FILIP1L: variants seen among roughly 807,000 people sequenced by gnomAD.
FILIP1L encodes filamin A-interacting protein 1-like.
FILIP1L carries 55 observed loss-of-function variants against 96.6 expected under a neutral mutation model. The ratio of observed to expected loss-of-function variants is 0.57; its 90% confidence interval spans 0.46 to 0.71. The LOEUF (loss-of-function observed/expected upper bound fraction) is 0.71, where lower values mean the gene tolerates loss of function less well. FILIP1L is among the 30% of genes least tolerant of loss of function. The pLI is 0.00. For synonymous variants in FILIP1L, 467 were observed against 473.9 expected, an observed-to-expected ratio of 0.99 and a Z score of 0.19; for missense variants, 1,304 against 1,321.2, an observed-to-expected ratio of 0.99 and a Z score of 0.20.
At chr3:99,957,689 C>CTTTTTTTTTTTTTTTTTTT (rs1708363173) in intron 1 of FILIP1L, among the ~76,000 whole-genome samples, 1 of 7,964 alleles carries the variant, frequency 1.3e-4, no homozygotes, top group Non-Finnish European at 3.0e-4. Context: ...TCTTTTCTTT[C>CTTTTTTTTTTTTTTTTTTT]TTTCTTTTTT....
At chr3:99,984,054 G>GTGTGTGTGTGTGTGTGTGTT (rs1256455306) in intron 1 of FILIP1L, among the ~76,000 whole-genome samples, 1 of 151,782 alleles carries the variant, frequency 6.6e-6, no homozygotes, top group Non-Finnish European at 1.5e-5. Flanking sequence ...GTATATGTAT[G>GTGTGTGTGTGTGTGTGTGTT]TGTGTTTGTG....
chr3:99,956,732 TTTC>T (rs1252202914), intron 1 of FILIP1L, among the ~76,000 whole-genome samples: 1 of 152,216 alleles, frequency 6.6e-6, no homozygotes, highest in Non-Finnish European at 1.5e-5. Flanking sequence ...CTGTAGTTTC[TTTC>T]TCACTATTGG....
chr3:99,988,527 A>AG (rs61144932), intron 1 of FILIP1L, among the ~76,000 whole-genome samples: 54,954 of 129,146 alleles, frequency 0.43, 10,737 homozygotes, highest in East Asian at 0.63. Context: ...AAAAAAAAAA[A>AG]AAAGAAAGAA....
chr3:99,872,609 TA>T (rs912618579), intron 4 of FILIP1L, among the ~76,000 whole-genome samples: 13 of 151,854 alleles, frequency 8.6e-5, no homozygotes, highest in Admixed American at 6.6e-5. Context: ...CAAGCTTGTT[TA>T]AAAAAAATTC....
chr3:100,046,325 G>C (rs912235173), intron 1 of FILIP1L, among the ~76,000 whole-genome samples: 1 of 152,122 alleles, frequency 6.6e-6, no homozygotes, highest in South Asian at 2.1e-4. Context: ...TCTTAAAAAG[G>C]GAAATTCAGA....
chr3:99,993,346 T>A (rs1164463151), intron 1 of FILIP1L, among the ~76,000 whole-genome samples: 1 of 152,044 alleles, frequency 6.6e-6, no homozygotes, highest in Non-Finnish European at 1.5e-5. Context: ...GGAACTTCAC[T>A]AGTTCATTTG....
At chr3:99,987,543 A>AG (rs1443636763) in intron 1 of FILIP1L, among the ~76,000 whole-genome samples, 6 of 150,926 alleles carry the variant, frequency 4.0e-5, no homozygotes, top group African/African-American at 9.8e-5. Context: ...AAAAAAAAAA[A>AG]AAAGAAAGAA....
chr3:99,861,378 G>C (rs188380327), intron 4 of FILIP1L, among the ~76,000 whole-genome samples: 1 of 152,310 alleles, frequency 6.6e-6, no homozygotes, highest in African/African-American at 2.4e-5. Flanking sequence ...AGCATGTGAT[G>C]CCTTGTATTA....
intron 1 of FILIP1L, among the ~76,000 whole-genome samples, chr3:100,036,252 T>C (rs1002786807): frequency 9.8e-5 from 15 of 152,292 alleles, no homozygotes; most frequent in African/African-American, 3.6e-4. Flanking sequence ...CTACATCTCA[T>C]TTCCCACTAA....
chr3:100,086,896 T>G (rs2066018594), intron 1 of FILIP1L, among the ~76,000 whole-genome samples: 1 of 152,188 alleles, frequency 6.6e-6, no homozygotes, highest in African/African-American at 2.4e-5. Flanking sequence ...TAGTAACTAC[T>G]GATTTTTTTT....
intron 1 of FILIP1L, among the ~76,000 whole-genome samples, chr3:100,005,742 G>A (rs951389656): frequency 2.0e-5 from 3 of 152,178 alleles, no homozygotes; most frequent in African/African-American, 7.2e-5. Context: ...AACACACTTG[G>A]TTATGAGGAA....
At chr3:99,920,767 G>A (rs553739180) in intron 4 of FILIP1L, among the ~76,000 whole-genome samples, 1 of 152,238 alleles carries the variant, frequency 6.6e-6, no homozygotes, top group East Asian at 1.9e-4. Flanking sequence ...GTCTCCTTTA[G>A]GGTTTTCCAC....
At chr3:100,034,234 G>A (rs2065069270) in intron 1 of FILIP1L, among the ~76,000 whole-genome samples, 1 of 152,132 alleles carries the variant, frequency 6.6e-6, no homozygotes, top group Non-Finnish European at 1.5e-5. Flanking sequence ...AGTATATCCA[G>A]GAACTCAGAA....
rs1015998996 is a variant in FILIP1L at position 100,034,218 on chromosome 3, C to T, written c.-11+79835G>A. Among the ~76,000 whole-genome samples, 5 of 152,218 alleles carry T rather than the reference C, an allele frequency of 3.3e-5. No individual in the cohort carries two copies. In the South Asian group the frequency reaches 6.2e-4, roughly 19 times the overall value. On this transcript the variant is annotated intron_variant, in intron 1 of 5. Coordinates refer to ENST00000477258, the MANE Select transcript of FILIP1L (RefSeq NM_001387850.1). ...CACAAGACTGGTTTTTCTAGACTGT[C>T]TCAAAAGTATATCCAGGAACTCAGA...
At chr3:99,973,326 G>A (rs1708876680) in intron 1 of FILIP1L, among the ~76,000 whole-genome samples, 1 of 152,152 alleles carries the variant, frequency 6.6e-6, no homozygotes, top group African/African-American at 2.4e-5. Flanking sequence ...GATTTTCTGT[G>A]TGTGTATGCA....
At chr3:99,946,112 G>T (rs952630049) in intron 1 of FILIP1L, among the ~76,000 whole-genome samples, 1 of 152,194 alleles carries the variant, frequency 6.6e-6, no homozygotes, top group Non-Finnish European at 1.5e-5. Flanking sequence ...TTCTCAACCT[G>T]TAAGCCCAGA....
At chr3:100,038,846 A>G (rs1193772951) in intron 1 of FILIP1L, among the ~76,000 whole-genome samples, 2 of 152,184 alleles carry the variant, frequency 1.3e-5, no homozygotes, top group East Asian at 3.8e-4. Context: ...ATGTATTGTT[A>G]AGTCCAAAAG....
intron 1 of FILIP1L, among the ~76,000 whole-genome samples, chr3:100,107,663 G>T (rs925073477): frequency 2.0e-5 from 3 of 151,970 alleles, no homozygotes; most frequent in Non-Finnish European, 4.4e-5. Context: ...GTAATTTAAC[G>T]CTCTACTGTT....
At chr3:99,865,411 G>T (rs973283667) in intron 4 of FILIP1L, among the ~76,000 whole-genome samples, 1 of 152,050 alleles carries the variant, frequency 6.6e-6, no homozygotes, top group Non-Finnish European at 1.5e-5. Context: ...GTAATATTCT[G>T]CCTGTCAAAG....
Sources: gnomAD v4.1 joint callset for allele counts (sites outside exome capture counted in the v4.1 genomes callset) on GRCh38, gnomAD v4.1.1 for gene constraint, MANE v1.5 for transcripts, NCBI Gene and HGNC (gene_info 2026-07-23, HGNC 2026-07-21) for gene names.